PALS2: variants seen among roughly 807,000 people sequenced by gnomAD.
PALS2 encodes the protein protein PALS2.
Under a neutral mutation model 61.6 loss-of-function variants are expected in PALS2, and 27 were observed. That is an observed-to-expected ratio of 0.44 (90% CI 0.32 to 0.60). The LOEUF (loss-of-function observed/expected upper bound fraction) is 0.60, where lower values mean the gene tolerates loss of function less well. Ranked by LOEUF, PALS2 falls within the 20% of genes least tolerant of loss-of-function variation. The pLI, the probability that PALS2 is intolerant of heterozygous loss-of-function variation, is 0.05. For synonymous variants in PALS2, 236 were observed against 218.6 expected, an observed-to-expected ratio of 1.08 and a Z score of -0.70; for missense variants, 554 against 639.4, an observed-to-expected ratio of 0.87 and a Z score of 1.44.
chr7:24,648,631 T>A (rs1044116442), intron 3 of PALS2, among the ~76,000 whole-genome samples: 40 of 152,038 alleles, frequency 2.6e-4, no homozygotes, highest in African/African-American at 9.4e-4. Flanking sequence ...TGAAAAAAAA[T>A]TTAACATTTT....
chr7:24,607,052 T>G (rs1430072479), intron 1 of PALS2, among the ~76,000 whole-genome samples: 1 of 152,140 alleles, frequency 6.6e-6, no homozygotes, highest in Non-Finnish European at 1.5e-5. Flanking sequence ...CAAGAAATTT[T>G]GGAGTTGGGA....
At chr7:24,579,209 A>G (rs1782746706) in intron 1 of PALS2, among the ~76,000 whole-genome samples, 1 of 152,232 alleles carries the variant, frequency 6.6e-6, no homozygotes, top group Non-Finnish European at 1.5e-5. Flanking sequence ...CAAATATTAT[A>G]AATAAAAACT....
At position 24,668,480 on chromosome 7, in the gene PALS2, C is replaced by T; in HGVS notation, c.953-19C>T. 1 of 1,603,560 alleles carries T rather than the reference C, an allele frequency of 6.2e-7. No homozygotes were observed. The highest frequency in any genetic ancestry group is 1.1e-5 in the South Asian group (1 of 90,176). ...TATATAAAAGTTGACTTTGTATTCC[C>T]ATTTCCTTTTTCATTTAGAATTTGA... is the stretch of plus-strand genomic sequence containing the variant. On this transcript the variant is annotated intron_variant, in intron 8 of 11. Coordinates refer to ENST00000222644, the MANE Select transcript of PALS2 (RefSeq NM_001303037.2).
intron 1 of PALS2, among the ~76,000 whole-genome samples, chr7:24,609,994 A>C (rs1034947940): frequency 6.6e-6 from 1 of 152,130 alleles, no homozygotes; most frequent in Admixed American, 6.6e-5. Flanking sequence ...AGATGAATTC[A>C]GTTTAGTTTT....
At chr7:24,580,436 A>T (rs1397753819) in intron 1 of PALS2, among the ~76,000 whole-genome samples, 2 of 152,214 alleles carry the variant, frequency 1.3e-5, no homozygotes, top group African/African-American at 2.4e-5. Context: ...TTGAGGTTGT[A>T]TATAATTTAG....
rs115044801 is a variant in PALS2 at position 24,617,477 on chromosome 7, T to C, written c.-2-6189T>C. On this transcript the variant is annotated intron_variant, in intron 1 of 11. Coordinates refer to ENST00000222644, the MANE Select transcript of PALS2 (RefSeq NM_001303037.2). ...CATGTTTGATGTAGCTCTACATTGATTTATTTCTACACATATGGTAGAAAA... is the reference window on the plus strand; with the variant it reads ...CATGTTTGATGTAGCTCTACATTGACTTATTTCTACACATATGGTAGAAAA... 3.2e-3 allele frequency among the ~76,000 whole-genome samples: 481 copies of C among 152,380 alleles called. 1 individual carries two copies. The highest frequency in any genetic ancestry group is 0.01 in the African/African-American group (429 of 41,590).
intron 1 of PALS2, among the ~76,000 whole-genome samples, chr7:24,608,257 C>T (rs1447695756): frequency 1.3e-5 from 2 of 151,924 alleles, no homozygotes; most frequent in South Asian, 2.1e-4. Flanking sequence ...TCTGGAAATC[C>T]CCATTTTTTT....
intron 1 of PALS2, among the ~76,000 whole-genome samples, chr7:24,595,136 A>G (rs1783451053): frequency 6.6e-6 from 1 of 152,006 alleles, no homozygotes; most frequent in African/African-American, 2.4e-5. Context: ...AAAATGGGAT[A>G]GTATTTGAGA....
rs371734303 is a variant in PALS2, at chr7:24,666,655, C to G, written c.952+566C>G. Among the ~76,000 whole-genome samples, 6 of 152,296 alleles carry G rather than the reference C, an allele frequency of 3.9e-5. 1 individual carries two copies. Among genetic ancestry groups the G allele is most frequent in the East Asian group, 3.9e-4 (2 of 5,192 alleles). On this transcript the variant is annotated intron_variant, in intron 8 of 11. Transcript: ENST00000222644. ...TGTTTAATAGCTTGATCGAGGTAAT[C>G]ATTCACATTGTACACATTCATGAAA...
In PALS2 at chr7:24,693,243, C is replaced by T. The variant is rs147488923; in HGVS notation, c.*5629C>T. 6.6e-6 allele frequency: 1 copy of T among 152,136 alleles called. No individual in the cohort carries two copies. Among genetic ancestry groups the T allele is most frequent in the East Asian group, 1.9e-4 (1 of 5,186 alleles). 9.4% of individuals were successfully genotyped at this position (152,136 alleles called of 1,614,324 possible). On this transcript the variant is annotated 3_prime_UTR_variant, in exon 12 of 12. Transcript: ENST00000222644. ...TAGGTGGTGTTGCTACCACAGAAGCCAAAAAGGTCTTAAAATTGGAAATAG... is the reference window on the plus strand; with the variant it reads ...TAGGTGGTGTTGCTACCACAGAAGCTAAAAAGGTCTTAAAATTGGAAATAG...
rs1258269312 is a variant in PALS2, at chr7:24,679,192, A to G, written c.1176A>G (p.Arg392=). The part of the protein sequence containing the change: ...KDGQAYKFVS[R]SEMEADIKAG... The stretch of plus-strand genomic sequence containing the variant: ...GCCAGGCATATAAGTTTGTGTCACG[A>G]TCTGAGATGGAAGCAGATATTAAAG... The change falls in exon 10 of 12, where the codon CGA becomes CGG. Residue 392 remains arginine (R), a synonymous_variant. Coordinates refer to ENST00000222644, the MANE Select transcript of PALS2 (RefSeq NM_001303037.2). The G allele has an allele frequency of 5.6e-6, 9 of 1,613,974 alleles. No homozygotes were observed. The highest frequency in any genetic ancestry group is 1.6e-4 in the Middle Eastern group (1 of 6,084).
chr7:24,680,965 A>C (rs752987776), intron 11 of PALS2, among the ~76,000 whole-genome samples: 1 of 152,220 alleles, frequency 6.6e-6, no homozygotes, highest in Non-Finnish European at 1.5e-5. Flanking sequence ...AATTAATTAG[A>C]TGTAGTTAGG....
In PALS2 at chr7:24,630,492, T is replaced by TA. The variant is rs910823955; in HGVS notation, c.117+6716dup. Among the ~76,000 whole-genome samples the TA allele has an allele frequency of 1.7e-3, 258 of 151,910 alleles. 1 individual carries two copies. The highest frequency in any genetic ancestry group is 5.7e-3 in the African/African-American group (238 of 41,490). The stretch of plus-strand genomic sequence containing the variant: ...GAACTTAAAGTATAATAATAATTTT[T>TA]AAAAAAAAGAAGAAGAAGCTGCAAC... On this transcript the variant is annotated intron_variant, in intron 2 of 11. Transcript: ENST00000222644.
At chr7:24,670,729 A>G (rs1787255476) in intron 9 of PALS2, among the ~76,000 whole-genome samples, 1 of 152,170 alleles carries the variant, frequency 6.6e-6, no homozygotes, top group Non-Finnish European at 1.5e-5. Flanking sequence ...GCCAGGAGCA[A>G]TCATGAATCT....
chr7:24,623,960 T>A (rs1261091692), intron 2 of PALS2, 176 bp downstream of exon 2: 8 of 1,045,104 alleles, frequency 7.7e-6, no homozygotes, highest in Non-Finnish European at 9.7e-6. Context: ...CATTTTTCTC[T>A]TTTCTACTCT....
chr7:24,581,813 A>G (rs776388396), intron 1 of PALS2, among the ~76,000 whole-genome samples: 6 of 152,212 alleles, frequency 3.9e-5, no homozygotes, highest in Non-Finnish European at 8.8e-5. Context: ...TGATGCCTCT[A>G]TTACGAGTAA....
chr7:24,600,231 C>T (rs1783670125), intron 1 of PALS2, among the ~76,000 whole-genome samples: 1 of 152,140 alleles, frequency 6.6e-6, no homozygotes, highest in Non-Finnish European at 1.5e-5. Flanking sequence ...GCAAAAACTT[C>T]TGCTAAACCC....
intron 1 of PALS2, among the ~76,000 whole-genome samples, chr7:24,621,174 TCCA>T (rs1784496542): frequency 2.6e-5 from 4 of 152,110 alleles, no homozygotes; most frequent in African/African-American, 9.6e-5. Flanking sequence ...TTCATGTTAA[TCCA>T]ATACTTGTTT....
chr7:24,688,641 T>C lies in PALS2; in HGVS notation c.*1027T>C, dbSNP rs1237259577. On this transcript the variant is annotated 3_prime_UTR_variant, in exon 12 of 12. Coordinates refer to ENST00000222644, the MANE Select transcript of PALS2 (RefSeq NM_001303037.2). ...CTTAGGGTACCTGTTTTGTCTGTTG[T>C]GTTGAGAACCAAACCCATTGAACAA... The C allele has an allele frequency of 2.6e-5, 4 of 151,802 alleles. No individual in the cohort carries two copies. Among genetic ancestry groups the C allele is most frequent in the Non-Finnish European group, 5.9e-5 (4 of 67,946 alleles). The allele number at this position is 151,802 out of a possible 1,614,324, so 9.4% of individuals were successfully genotyped here.
Sources: gnomAD v4.1 joint callset for allele counts (sites outside exome capture counted in the v4.1 genomes callset) on GRCh38, gnomAD v4.1.1 for gene constraint, MANE v1.5 for transcripts, NCBI Gene and HGNC (gene_info 2026-07-23, HGNC 2026-07-21) for gene names.